PTPRD: variants seen among roughly 807,000 people sequenced by gnomAD.
PTPRD encodes the protein receptor-type tyrosine-protein phosphatase delta.
A neutral mutation model predicts 214.5 loss-of-function variants in PTPRD; 34 were observed. The ratio of observed to expected loss-of-function variants is 0.16; its 90% CI spans 0.12 to 0.21. PTPRD has a LOEUF of 0.21. Ranked by LOEUF, PTPRD falls within the 10% of genes least tolerant of loss-of-function variation. PTPRD has a pLI of 1.00. For synonymous variants in PTPRD, 1,128 were observed against 845.7 expected (o/e 1.33, Z -5.79); for missense variants, 2,545 against 2,398.7 (o/e 1.06, Z -1.27).
At chr9:8,592,412 T>C (rs1192801103) in intron 14 of PTPRD, among the ~76,000 whole-genome samples, 2 of 152,122 alleles carry the variant, frequency 1.3e-5, no homozygotes, top group Non-Finnish European at 2.9e-5. Context: ...GGAGTTAGAG[T>C]TGACTCCTAA....
At chr9:10,256,395 C>CTTTTTT (rs35833315) in intron 3 of PTPRD, among the ~76,000 whole-genome samples, 9 of 144,668 alleles carry the variant, frequency 6.2e-5, no homozygotes, top group African/African-American at 1.0e-4. Context: ...TGAATTACAG[C>CTTTTTT]TTTTTTTTTT....
intron 5 of PTPRD, among the ~76,000 whole-genome samples, chr9:9,804,954 T>C (rs1271063188): frequency 1.3e-5 from 2 of 152,114 alleles, no homozygotes; most frequent in South Asian, 2.1e-4. Flanking sequence ...ATAAAATATA[T>C]TTAAAATTTA....
chr9:9,848,813 A>C (rs1465456125), intron 5 of PTPRD, among the ~76,000 whole-genome samples: 2 of 152,130 alleles, frequency 1.3e-5, no homozygotes, highest in Admixed American at 1.3e-4. Flanking sequence ...TAAGAAAAAA[A>C]CTAATAGCTA....
At chr9:9,760,915 G>C (rs1311830894) in intron 6 of PTPRD, among the ~76,000 whole-genome samples, 2 of 152,120 alleles carry the variant, frequency 1.3e-5, no homozygotes, top group Non-Finnish European at 2.9e-5. Flanking sequence ...TGCTGGCAGG[G>C]ATACAGAGAA....
chr9:9,080,544 A>G (rs748357107), intron 10 of PTPRD, among the ~76,000 whole-genome samples: 1 of 152,158 alleles, frequency 6.6e-6, no homozygotes, highest in South Asian at 2.1e-4. Context: ...AAATAGGGTT[A>G]GGTAATTCCC....
At chr9:9,497,477 C>T (rs758168761) in intron 8 of PTPRD, among the ~76,000 whole-genome samples, 5 of 152,056 alleles carry the variant, frequency 3.3e-5, no homozygotes, top group Non-Finnish European at 5.9e-5. Flanking sequence ...TTATCATCCC[C>T]CTCCAACATG....
intron 8 of PTPRD, among the ~76,000 whole-genome samples, chr9:9,489,430 G>A (rs2095806058): frequency 6.6e-6 from 1 of 152,066 alleles, no homozygotes; most frequent in African/African-American, 2.4e-5. Context: ...AACTGTCCCT[G>A]ACAAAGCTTG....
At chr9:8,794,013 GA>G (rs2096325252) in intron 11 of PTPRD, among the ~76,000 whole-genome samples, 1 of 152,154 alleles carries the variant, frequency 6.6e-6, no homozygotes, top group Admixed American at 6.5e-5. Flanking sequence ...AGAGTACTAG[GA>G]AACTAAAGAA....
intron 11 of PTPRD, among the ~76,000 whole-genome samples, chr9:8,798,487 A>C (rs552327113): frequency 2.0e-5 from 3 of 152,326 alleles, no homozygotes; most frequent in African/African-American, 4.8e-5. Flanking sequence ...ACTCACAGGA[A>C]AAAGATTATA....
intron 3 of PTPRD, among the ~76,000 whole-genome samples, chr9:10,141,271 A>T (rs1185683581): frequency 3.3e-5 from 5 of 152,128 alleles, no homozygotes; most frequent in Non-Finnish European, 7.3e-5. Flanking sequence ...CAGGAGAAGG[A>T]AATAAAGGGC....
At chr9:8,732,804 G>C (rs2098674371) in intron 12 of PTPRD, among the ~76,000 whole-genome samples, 1 of 152,174 alleles carries the variant, frequency 6.6e-6, no homozygotes, top group Non-Finnish European at 1.5e-5. Flanking sequence ...TTAATAGAAA[G>C]GGGCCAAGAT....
At chr9:10,458,488 A>C (rs1434592565) in intron 2 of PTPRD, among the ~76,000 whole-genome samples, 1 of 152,176 alleles carries the variant, frequency 6.6e-6, no homozygotes, top group Non-Finnish European at 1.5e-5. Flanking sequence ...GACAAAATTC[A>C]ACGTTCTTTC....
At chr9:10,137,577 G>A (rs370304042) in intron 3 of PTPRD, among the ~76,000 whole-genome samples, 1 of 88,890 alleles carries the variant, frequency 1.1e-5, no homozygotes, top group South Asian at 6.4e-4. Flanking sequence ...GGGAGGGATA[G>A]CACTGGGAGA....
intron 2 of PTPRD, among the ~76,000 whole-genome samples, chr9:10,550,389 G>A (rs940540684): frequency 2.0e-5 from 3 of 152,168 alleles, no homozygotes; most frequent in African/African-American, 4.8e-5. Flanking sequence ...CTGACATGAT[G>A]ATTTGGGTGA....
At chr9:10,309,268 C>T (rs924240689) in intron 3 of PTPRD, among the ~76,000 whole-genome samples, 6 of 151,906 alleles carry the variant, frequency 3.9e-5, no homozygotes, top group African/African-American at 1.5e-4. Context: ...TTTTCTTCTT[C>T]ACTTAAAAAA....
At chr9:9,252,474 C>T (rs2099975885) in intron 9 of PTPRD, among the ~76,000 whole-genome samples, 1 of 151,834 alleles carries the variant, frequency 6.6e-6, no homozygotes, top group Non-Finnish European at 1.5e-5. Flanking sequence ...TATTTAAACC[C>T]AAATTTTTAA....
intron 7 of PTPRD, among the ~76,000 whole-genome samples, chr9:9,664,430 T>C (rs2096676580): frequency 6.6e-6 from 1 of 151,680 alleles, no homozygotes; most frequent in Non-Finnish European, 1.5e-5. Flanking sequence ...TATGCTAGAA[T>C]TCAATGGTCG....
intron 2 of PTPRD, among the ~76,000 whole-genome samples, chr9:10,572,210 C>G (rs2067678930): frequency 6.6e-6 from 1 of 152,074 alleles, no homozygotes; most frequent in Admixed American, 6.5e-5. Flanking sequence ...TTAACTCTTC[C>G]AGGCTTAGGG....
At chr9:9,684,567 G>C (rs1418599194) in intron 7 of PTPRD, among the ~76,000 whole-genome samples, 3 of 151,490 alleles carry the variant, frequency 2.0e-5, no homozygotes, top group Non-Finnish European at 4.4e-5. Flanking sequence ...TTAATACTTG[G>C]GAGGAGACTG....
Sources: gnomAD v4.1 joint callset for allele counts (sites outside exome capture counted in the v4.1 genomes callset) on GRCh38, gnomAD v4.1.1 for gene constraint, MANE v1.5 for transcripts, NCBI Gene and HGNC (gene_info 2026-07-23, HGNC 2026-07-21) for gene names.